AGAP1: variants seen among roughly 807,000 people sequenced by gnomAD.
AGAP1 encodes the protein arf-GAP with GTPase, ANK repeat and PH domain-containing protein 1.
AGAP1 carries 29 observed loss-of-function variants against 105.3 expected under a neutral mutation model. The observed-to-expected ratio is 0.28, with a 90% CI of 0.21 to 0.38. The LOEUF (loss-of-function observed/expected upper bound fraction) is 0.38. Ranked by LOEUF, AGAP1 falls within the 10% of genes least tolerant of loss-of-function variation. AGAP1 has a pLI of 1.00. For synonymous variants in AGAP1, 509 were observed against 485.9 expected (o/e 1.05, Z -0.63); for missense variants, 998 against 1,165.1 (o/e 0.86, Z 2.09).
intron 1 of AGAP1, among the ~76,000 whole-genome samples, chr2:235,704,559 T>A (rs55764481): frequency 6.6e-6 from 1 of 152,090 alleles, no homozygotes; most frequent in African/African-American, 2.4e-5. Flanking sequence ...GGCAGGAGAA[T>A]CTCTTGAACT....
Position 236,126,424 on chromosome 2 carries a change from C to A in AGAP1, c.*2302C>A, listed in dbSNP as rs915928693. 2.6e-5 allele frequency: 4 copies of A among 152,114 alleles called. No individual in the cohort carries two copies. The highest frequency in any genetic ancestry group is 9.7e-5 in the African/African-American group (4 of 41,410). The allele number at this position is 152,114 out of a possible 1,614,324, so 9.4% of individuals were successfully genotyped here. A position where few individuals can be genotyped will look rare whatever the true frequency, so the allele number is the denominator to read the frequency against. On this transcript the variant is annotated 3_prime_UTR_variant, in exon 18 of 18. Transcript: ENST00000304032. ...TAAATTATTTCATTGTAGTTAATTC[C>A]CACTATAGGAATGCTTTATCATAGT...
intron 7 of AGAP1, among the ~76,000 whole-genome samples, chr2:235,798,839 C>A (rs934101040): frequency 4.1e-5 from 6 of 146,254 alleles, no homozygotes; most frequent in Non-Finnish European, 5.9e-5. Context: ...CCACTGCATT[C>A]CAGCCTGGGT....
chr2:235,767,877 G>A lies in AGAP1; in HGVS notation c.673+17389G>A, dbSNP rs528670987. Among the ~76,000 whole-genome samples the A allele has an allele frequency of 1.8e-3, 253 of 140,378 alleles. 3 individuals are homozygous for A. Among genetic ancestry groups the A allele is most frequent in the African/African-American group, 6.3e-3 (237 of 37,676 alleles). The allele number at this position is 140,378 out of a possible 152,430, so 92.1% of individuals were successfully genotyped here. On this transcript the variant is annotated intron_variant, in intron 6 of 17. Coordinates refer to ENST00000304032, the MANE Select transcript of AGAP1 (RefSeq NM_001037131.3). ...TGGACTCACTGCAACCTCCGCCTCC[G>A]AGGTTCAAGCAATTCTCCTGCCTCA...
In AGAP1 at chr2:236,095,541, G is replaced by GA. The variant is rs1183433872; in HGVS notation, c.2115-24644dup. 6.6e-6 allele frequency among the ~76,000 whole-genome samples: 1 copy of GA among 151,736 alleles called. No homozygotes were observed. The highest frequency in any genetic ancestry group is 1.5e-5 in the Non-Finnish European group (1 of 67,950). On this transcript the variant is annotated intron_variant, in intron 16 of 17. Transcript: ENST00000304032. The surrounding 1 kb of genome is among the most constrained non-coding windows in gnomAD (Gnocchi z 4.1). The stretch of plus-strand genomic sequence containing the variant: ...AAAATAAAAAAAGATTAAAAAATAG[G>GA]AAAAAAAGACTCTCTAAAAAAATAC...
At position 236,126,107 on chromosome 2, in the gene AGAP1, T is replaced by C. The variant is rs570813928; in HGVS notation, c.*1985T>C. On this transcript the variant is annotated 3_prime_UTR_variant, in exon 18 of 18. Coordinates refer to ENST00000304032, the MANE Select transcript of AGAP1 (RefSeq NM_001037131.3). ...AATTTATATGTGGGTAAGTGTTTCA[T>C]GGAAATTTCTAATCTTAACGAAGCT... The C allele has an allele frequency of 6.6e-6, 1 of 152,328 alleles. No individual in the cohort carries two copies. Among genetic ancestry groups the C allele is most frequent in the East Asian group, 1.9e-4 (1 of 5,192 alleles). 9.4% of individuals were successfully genotyped at this position (152,328 alleles called of 1,614,324 possible). A position where few individuals can be genotyped will look rare whatever the true frequency, so the allele number is the denominator to read the frequency against.
chr2:235,853,033 C>T, intron 9 of AGAP1: 6 of 1,244,026 alleles, frequency 4.8e-6, no homozygotes, highest in East Asian at 3.2e-5. Context: ...TCACAAAAGA[C>T]CCCTTAATTT....
At chr2:235,829,162 C>T (rs1010455248) in intron 9 of AGAP1, among the ~76,000 whole-genome samples, 1 of 152,266 alleles carries the variant, frequency 6.6e-6, no homozygotes, top group Non-Finnish European at 1.5e-5. Flanking sequence ...CATGAGGCAG[C>T]GCCTGGCTGA....
chr2:235,825,788 C>T (rs1328632354), intron 9 of AGAP1, among the ~76,000 whole-genome samples: 3 of 152,096 alleles, frequency 2.0e-5, no homozygotes, highest in African/African-American at 7.2e-5. Context: ...ATGGATGAGA[C>T]CTACTATTTG....
intron 1 of AGAP1, among the ~76,000 whole-genome samples, chr2:235,627,419 T>G (rs1409168706): frequency 6.6e-6 from 1 of 152,052 alleles, no homozygotes. Flanking sequence ...GAGACAGGAT[T>G]TCGTCATGTT....
intron 11 of AGAP1, among the ~76,000 whole-genome samples, chr2:235,916,945 T>G (rs2051914770): frequency 6.6e-6 from 1 of 152,204 alleles, no homozygotes; most frequent in Admixed American, 6.5e-5. Flanking sequence ...TCTTCTGGAC[T>G]TTCATGGATG....
rs936998092 is a variant in AGAP1 at position 235,690,352 on chromosome 2, G to C, written c.164-18827G>C. On this transcript the variant is annotated intron_variant, in intron 1 of 17. Coordinates refer to ENST00000304032, the MANE Select transcript of AGAP1 (RefSeq NM_001037131.3). The surrounding 1 kb of genome is among the most constrained non-coding windows in gnomAD (Gnocchi z 4.1). The stretch of plus-strand genomic sequence containing the variant: ...CTGGGGCTGGGGAGGCCGTGCCCTG[G>C]GGGCAGGTGCAGGAGGGAGCCTGGC... Among the ~76,000 whole-genome samples the C allele has an allele frequency of 6.6e-6, 1 of 152,156 alleles. No homozygotes were observed. The highest frequency in any genetic ancestry group is 1.5e-5 in the Non-Finnish European group (1 of 68,026).
rs973205902 is a variant in AGAP1 at position 235,729,201 on chromosome 2, G to GC, written c.310+11562dup. On this transcript the variant is annotated intron_variant, in intron 3 of 17. Transcript: ENST00000304032. The surrounding 1 kb of genome is among the most constrained non-coding windows in gnomAD (Gnocchi z 5.0). ...AGCTGCTGGAACCCATCACCATGAA[G>GC]CCCCCTGCACTAACTAGGGCGTGTG... is the stretch of plus-strand genomic sequence containing the variant. Among the ~76,000 whole-genome samples, 5 of 152,154 alleles carry GC rather than the reference G, an allele frequency of 3.3e-5. No homozygotes were observed. Among genetic ancestry groups the GC allele is most frequent in the African/African-American group, 9.7e-5 (4 of 41,388 alleles).
Position 235,714,607 on chromosome 2 carries a change from T to G in AGAP1, c.223-2950T>G, listed in dbSNP as rs1429362190. On this transcript the variant is annotated intron_variant, in intron 2 of 17. Coordinates refer to ENST00000304032, the MANE Select transcript of AGAP1 (RefSeq NM_001037131.3). This position sits in a 1 kb window ranked among gnomAD's most constrained non-coding sequence, Gnocchi z 4.1. The stretch of plus-strand genomic sequence containing the variant: ...GTAAGAGGACAGGACCGAGCATAGG[T>G]TTTAGAAAGGCCACTCTGGCTGATG... 6.6e-6 allele frequency among the ~76,000 whole-genome samples: 1 copy of G among 150,392 alleles called. No individual in the cohort carries two copies. Among genetic ancestry groups the G allele is most frequent in the Non-Finnish European group, 1.5e-5 (1 of 67,600 alleles).
intron 9 of AGAP1, among the ~76,000 whole-genome samples, chr2:235,850,847 T>G (rs1025226811): frequency 6.6e-6 from 1 of 152,218 alleles, no homozygotes; most frequent in African/African-American, 2.4e-5. Context: ...GTCAAGTGCA[T>G]TCCAGGGAGC....
chr2:236,099,431 G>C (rs994220516), intron 16 of AGAP1, among the ~76,000 whole-genome samples: 1 of 151,218 alleles, frequency 6.6e-6, no homozygotes. Context: ...CTCCAGCCTG[G>C]GCGACAGAGC....
chr2:235,730,314 C>G (rs1951871502), intron 3 of AGAP1, among the ~76,000 whole-genome samples: 2 of 152,082 alleles, frequency 1.3e-5, no homozygotes, highest in Admixed American at 6.5e-5. Flanking sequence ...TGGCACTCTG[C>G]TGTCCCACTT....
chr2:235,929,402 G>A (rs894056691), intron 11 of AGAP1, among the ~76,000 whole-genome samples: 6 of 152,112 alleles, frequency 3.9e-5, no homozygotes, highest in East Asian at 1.9e-4. Flanking sequence ...GGGCATCACT[G>A]TGGGCTTTTT....
chr2:235,762,025 A>G (rs377541139), intron 6 of AGAP1, among the ~76,000 whole-genome samples: 1 of 150,644 alleles, frequency 6.6e-6, no homozygotes, highest in Admixed American at 6.7e-5. Flanking sequence ...AGGAGAATCG[A>G]TTGAACCCAG....
At chr2:235,902,245 C>A (rs2051099481) in intron 10 of AGAP1, among the ~76,000 whole-genome samples, 1 of 152,074 alleles carries the variant, frequency 6.6e-6, no homozygotes, top group East Asian at 1.9e-4. Context: ...AATATTTCAA[C>A]CCTCATTTCA....
Sources: gnomAD v4.1 joint callset for allele counts (sites outside exome capture counted in the v4.1 genomes callset) on GRCh38, gnomAD v4.1.1 for gene constraint, Gnocchi (gnomAD v3.1) non-coding constraint, MANE v1.5 for transcripts, NCBI Gene and HGNC (gene_info 2026-07-23, HGNC 2026-07-21) for gene names.